Variants in SLC9A9 observed in about 807,000 individuals in gnomAD.
SLC9A9 encodes sodium/hydrogen exchanger 9.
Under a neutral mutation model 77.8 loss-of-function variants are expected in SLC9A9, and 62 were observed. The observed-to-expected ratio is 0.80, with a 90% CI of 0.65 to 0.98. SLC9A9 has a LOEUF of 0.98. SLC9A9 is among the 50% of genes least tolerant of loss of function. The pLI is 0.00. For missense variants in SLC9A9, 775 were observed against 774.9 expected (o/e 1.00, Z 0.00); for synonymous variants, 320 against 283.5 (o/e 1.13, Z -1.29).
At chr3:143,820,783 T>C (rs928766679) in intron 2 of SLC9A9, among the ~76,000 whole-genome samples, 1 of 151,592 alleles carries the variant, frequency 6.6e-6, no homozygotes, top group Non-Finnish European at 1.5e-5. Context: ...CAATGATTTC[T>C]TTCTTTTTTC....
intron 14 of SLC9A9, among the ~76,000 whole-genome samples, chr3:143,271,328 T>C (rs768937724): frequency 6.6e-6 from 1 of 152,208 alleles, no homozygotes; most frequent in Non-Finnish European, 1.5e-5. Context: ...GGATTTTGAC[T>C]CAGACCCAGG....
intron 13 of SLC9A9, among the ~76,000 whole-genome samples, chr3:143,368,020 T>C (rs887667000): frequency 8.5e-5 from 13 of 152,146 alleles, no homozygotes; most frequent in Admixed American, 7.2e-4. Flanking sequence ...GCATGTTGAA[T>C]CTCAACTTTT....
chr3:143,420,764 A>T, intron 12 of SLC9A9, among the ~76,000 whole-genome samples: 1 of 152,180 alleles, frequency 6.6e-6, no homozygotes, highest in East Asian at 1.9e-4. Context: ...CATTTTAAAG[A>T]TCAAGAAACA....
chr3:143,443,234 C>T (rs1338376355), intron 12 of SLC9A9, among the ~76,000 whole-genome samples: 1 of 152,082 alleles, frequency 6.6e-6, no homozygotes, highest in African/African-American at 2.4e-5. Flanking sequence ...GGTTTAAAAT[C>T]ATTTGTCTCA....
chr3:143,830,534 C>T (rs1056995560), intron 2 of SLC9A9, among the ~76,000 whole-genome samples: 3 of 152,144 alleles, frequency 2.0e-5, no homozygotes, highest in African/African-American at 7.2e-5. Flanking sequence ...ATTGGCAATC[C>T]TGTTCAAGAA....
intron 12 of SLC9A9, among the ~76,000 whole-genome samples, chr3:143,429,495 G>A (rs1331414712): frequency 6.6e-6 from 1 of 152,172 alleles, no homozygotes; most frequent in African/African-American, 2.4e-5. Context: ...CTATTTGTAA[G>A]GAGCAGAGTG....
At chr3:143,832,921 C>T (rs1186749547) in intron 1 of SLC9A9, among the ~76,000 whole-genome samples, 2 of 152,068 alleles carry the variant, frequency 1.3e-5, no homozygotes, top group Non-Finnish European at 2.9e-5. Context: ...AATACATTCT[C>T]TAATTTTTCC....
chr3:143,625,915 A>T, intron 6 of SLC9A9, among the ~76,000 whole-genome samples: 1 of 152,256 alleles, frequency 6.6e-6, no homozygotes, highest in Admixed American at 6.5e-5. Context: ...AAACAAATTT[A>T]CAAGAAAAAA....
chr3:143,364,808 G>C (rs545773450), intron 13 of SLC9A9, among the ~76,000 whole-genome samples: 1 of 152,218 alleles, frequency 6.6e-6, no homozygotes, highest in South Asian at 2.1e-4. Flanking sequence ...CCAAACTTTT[G>C]TCTTTTTCAT....
At chr3:143,298,542 T>C (rs1237355245) in intron 14 of SLC9A9, among the ~76,000 whole-genome samples, 2 of 152,230 alleles carry the variant, frequency 1.3e-5, no homozygotes, top group African/African-American at 2.4e-5. Context: ...CAGTAGGGCA[T>C]TGGCAATGCT....
chr3:143,481,378 G>A (rs1384748474), intron 11 of SLC9A9, among the ~76,000 whole-genome samples: 2 of 152,234 alleles, frequency 1.3e-5, no homozygotes, highest in Non-Finnish European at 2.9e-5. Flanking sequence ...GTGGGTGGAT[G>A]TGGAAAGGGT....
At chr3:143,782,710 G>A (rs1183218859) in intron 4 of SLC9A9, among the ~76,000 whole-genome samples, 2 of 152,170 alleles carry the variant, frequency 1.3e-5, no homozygotes, top group Non-Finnish European at 2.9e-5. Flanking sequence ...TCAGTGAAAG[G>A]ATATGCATTT....
intron 12 of SLC9A9, among the ~76,000 whole-genome samples, chr3:143,449,955 TTATATAATA>T (rs1161852775): frequency 1.6e-4 from 14 of 86,182 alleles, no homozygotes; most frequent in East Asian, 6.7e-4. Flanking sequence ...ATAATATACA[TTATATAATA>T]TATATAATAT....
At chr3:143,594,898 G>A (rs953055417) in intron 6 of SLC9A9, among the ~76,000 whole-genome samples, 1 of 152,218 alleles carries the variant, frequency 6.6e-6, no homozygotes, top group African/African-American at 2.4e-5. Context: ...TGTTTGGCTT[G>A]TTATCTGGGA....
chr3:143,622,231 C>G (rs1308645354), intron 6 of SLC9A9, among the ~76,000 whole-genome samples: 7 of 152,066 alleles, frequency 4.6e-5, no homozygotes, highest in Admixed American at 2.6e-4. Flanking sequence ...TCTAGCAAGG[C>G]AGGCCAACAT....
intron 12 of SLC9A9, among the ~76,000 whole-genome samples, chr3:143,452,164 C>T (rs1437052523): frequency 1.4e-4 from 22 of 152,048 alleles, no homozygotes; most frequent in Admixed American, 1.4e-3. Flanking sequence ...TATCCTCCCA[C>T]AGATTAAAAA....
chr3:143,790,934 G>A (rs1576728291), intron 4 of SLC9A9, among the ~76,000 whole-genome samples: 2 of 152,124 alleles, frequency 1.3e-5, no homozygotes, highest in African/African-American at 4.8e-5. Flanking sequence ...TTAAAAAGAA[G>A]CATTTCATAG....
At chr3:143,733,776 C>T (rs1431473547) in intron 4 of SLC9A9, among the ~76,000 whole-genome samples, 2 of 151,834 alleles carry the variant, frequency 1.3e-5, no homozygotes, top group African/African-American at 4.8e-5. Flanking sequence ...GAACTGTAGA[C>T]AGAGGACAAT....
chr3:143,635,208 C>G (rs898055746), intron 6 of SLC9A9, among the ~76,000 whole-genome samples: 1 of 152,206 alleles, frequency 6.6e-6, no homozygotes, highest in African/African-American at 2.4e-5. Context: ...CGCTCCCTCT[C>G]CAGGTGGAAC....
Sources: allele counts gnomAD v4.1 joint callset (sites outside exome capture counted in the v4.1 genomes callset), GRCh38; gene constraint gnomAD v4.1.1; transcripts MANE v1.5; gene names NCBI Gene and HGNC (gene_info 2026-07-23, HGNC 2026-07-21).